PRSS23: variants seen among roughly 807,000 people sequenced by gnomAD.
PRSS23 encodes protease, serine 23.
PRSS23 carries 25 observed loss-of-function variants against 34.7 expected under a neutral mutation model. That is an observed-to-expected ratio of 0.72 (90% CI 0.53 to 1.01). The LOEUF is 1.01. Ranked by LOEUF, PRSS23 falls within the 50% of genes least tolerant of loss-of-function variation. The probability of loss-of-function intolerance (pLI) is 0.00; values close to 1 mark genes in which losing one functional copy is unlikely to be tolerated. For missense variants in PRSS23, 445 were observed against 475.6 expected, an observed-to-expected ratio of 0.94 and a Z score of 0.60; for synonymous variants, 176 against 186.6, an observed-to-expected ratio of 0.94 and a Z score of 0.46.
chr11:86,846,487 C>G (rs1047312137), intron 2 of PRSS23, among the ~76,000 whole-genome samples: 32 of 152,142 alleles, frequency 2.1e-4, no homozygotes, highest in Admixed American at 1.3e-3. Flanking sequence ...TGGCCTGGAA[C>G]CAGTTCCAAC....
At chr11:86,922,150 A>C (rs1324286160) in intron 2 of PRSS23, 1 of 152,200 alleles carries the variant, frequency 6.6e-6, no homozygotes, top group Non-Finnish European at 1.5e-5. Flanking sequence ...TTATTCAGGA[A>C]ACTTTGGGAA....
intron 2 of PRSS23, among the ~76,000 whole-genome samples, chr11:86,928,337 A>G (rs993692710): frequency 6.7e-6 from 1 of 148,428 alleles, no homozygotes; most frequent in Non-Finnish European, 1.5e-5. Context: ...TTAATATTGC[A>G]TTACATTAAT....
chr11:86,872,935 A>AAGACTCT (rs1948694553), intron 2 of PRSS23, among the ~76,000 whole-genome samples: 1 of 152,146 alleles, frequency 6.6e-6, no homozygotes, highest in African/African-American at 2.4e-5. Flanking sequence ...AATATATCTA[A>AAGACTCT]AGACTCTACC....
downstream of PRSS23, among the ~76,000 whole-genome samples, chr11:86,813,635 A>G (rs1948195548): frequency 6.6e-6 from 1 of 152,184 alleles, no homozygotes; most frequent in Non-Finnish European, 1.5e-5. Flanking sequence ...AATCAGAAGA[A>G]GAAAGTTAAT....
chr11:86,943,517 A>AG (rs1413498911), intron 2 of PRSS23, among the ~76,000 whole-genome samples: 2 of 152,038 alleles, frequency 1.3e-5, no homozygotes, highest in Non-Finnish European at 2.9e-5. Flanking sequence ...CCAGCTACTC[A>AG]GGAGGCTGAG....
chr11:86,827,819 A>C (rs569012636), intron 2 of PRSS23, among the ~76,000 whole-genome samples: 1 of 152,308 alleles, frequency 6.6e-6, no homozygotes, highest in African/African-American at 2.4e-5. Flanking sequence ...AGAGTTTCTT[A>C]ATCCTCAGTT....
intron 2 of PRSS23, among the ~76,000 whole-genome samples, chr11:86,868,086 A>C (rs762956811): frequency 1.3e-5 from 2 of 152,112 alleles, no homozygotes; most frequent in African/African-American, 4.8e-5. Flanking sequence ...AGTGAAGCCT[A>C]GGGGACATGG....
At chr11:86,864,536 A>G (rs1416789770) in intron 2 of PRSS23, among the ~76,000 whole-genome samples, 1 of 152,252 alleles carries the variant, frequency 6.6e-6, no homozygotes, top group African/African-American at 2.4e-5. Context: ...ACCAGCTCTC[A>G]TGGTGGCTCT....
At chr11:86,793,295 A>T (rs1028022870) in intron 1 of PRSS23, among the ~76,000 whole-genome samples, 3 of 152,152 alleles carry the variant, frequency 2.0e-5, no homozygotes, top group African/African-American at 7.2e-5. Flanking sequence ...CCTCTTCCAG[A>T]AGTGTGGGAG....
At chr11:86,826,752 A>T (rs1417107452) in intron 2 of PRSS23, among the ~76,000 whole-genome samples, 1 of 152,148 alleles carries the variant, frequency 6.6e-6, no homozygotes, top group African/African-American at 2.4e-5. Flanking sequence ...TGAGATAATC[A>T]TGTGATTTTT....
chr11:86,799,331 A>G (rs1036927935), upstream of PRSS23, among the ~76,000 whole-genome samples: 4 of 152,232 alleles, frequency 2.6e-5, no homozygotes, highest in African/African-American at 7.2e-5. Context: ...CGTATTAGGC[A>G]TATCAGTAAC....
chr11:86,879,397 G>T (rs1185548909), intron 2 of PRSS23, among the ~76,000 whole-genome samples: 1 of 150,740 alleles, frequency 6.6e-6, no homozygotes, highest in East Asian at 2.0e-4. Context: ...CAGCCACCCC[G>T]TCTGGGAAGT....
At chr11:86,939,979 T>C (rs1221971623) in intron 2 of PRSS23, among the ~76,000 whole-genome samples, 3 of 152,174 alleles carry the variant, frequency 2.0e-5, no homozygotes, top group Non-Finnish European at 2.9e-5. Flanking sequence ...AAAATCTACA[T>C]GGGAGACATG....
At position 86,827,233 on chromosome 11, in the gene PRSS23, C is replaced by T. The variant is rs1479395115; in HGVS notation, c.206+3640C>T. Among the ~76,000 whole-genome samples the T allele has an allele frequency of 3.3e-5, 5 of 152,074 alleles. No individual in the cohort carries two copies. In the East Asian group the frequency reaches 7.7e-4, roughly 23 times the overall value. The stretch of plus-strand genomic sequence containing the variant: ...TGGTTTAGTCTTGGGAGGGTGTATG[C>T]ATCGAGGAATTTATCCATTTCTTCC... On this transcript the variant is annotated intron_variant, in intron 2 of 2. Coordinates refer to the PRSS23 transcript ENST00000533902.
chr11:86,830,284 A>G (rs1472197643), intron 2 of PRSS23, among the ~76,000 whole-genome samples: 8 of 151,990 alleles, frequency 5.3e-5, no homozygotes, highest in Admixed American at 5.2e-4. Flanking sequence ...TGGGCATAGG[A>G]CCCTCCGAGC....
intron 2 of PRSS23, among the ~76,000 whole-genome samples, chr11:86,875,449 A>G (rs1948716950): frequency 6.6e-6 from 1 of 152,144 alleles, no homozygotes; most frequent in Non-Finnish European, 1.5e-5. Flanking sequence ...ATTTTTAAAA[A>G]TCCCTCTTGC....
At chr11:86,836,397 T>A (rs1948405900) in intron 2 of PRSS23, among the ~76,000 whole-genome samples, 1 of 152,138 alleles carries the variant, frequency 6.6e-6, no homozygotes, top group Admixed American at 6.5e-5. Context: ...TGGGTATTCT[T>A]TGCTCATCCA....
chr11:86,920,596 G>T (rs867029943), intron 2 of PRSS23, among the ~76,000 whole-genome samples: 37 of 152,100 alleles, frequency 2.4e-4, no homozygotes, highest in African/African-American at 8.5e-4. Context: ...AATGGAGTTT[G>T]CCAGAGGAGA....
intron 2 of PRSS23, among the ~76,000 whole-genome samples, chr11:86,862,684 A>G (rs1799791926): frequency 1.3e-5 from 2 of 151,814 alleles, no homozygotes; most frequent in Non-Finnish European, 2.9e-5. Flanking sequence ...GATATTATTC[A>G]TAATGTCTTA....
Sources: allele counts gnomAD v4.1 joint callset (sites outside exome capture counted in the v4.1 genomes callset), GRCh38; gene constraint gnomAD v4.1.1; transcripts MANE v1.5; gene names NCBI Gene and HGNC (gene_info 2026-07-23, HGNC 2026-07-21).